The following SLC15A2 variants were observed in gnomAD, a reference collection of about 807,000 sequenced individuals.
SLC15A2 encodes the protein solute carrier family 15 member 2, also known as kidney H(+)/peptide cotransporter.
Under a neutral mutation model 95.5 loss-of-function variants are expected in SLC15A2, and 77 were observed. The observed-to-expected ratio is 0.81, with a 90% CI of 0.67 to 0.97. The LOEUF is 0.97. SLC15A2 is among the 50% of genes least tolerant of loss of function. SLC15A2 has a pLI of 0.00. For missense variants in SLC15A2, 893 were observed against 874.4 expected, an observed-to-expected ratio of 1.02 and a Z score of -0.27; for synonymous variants, 306 against 306.9, an observed-to-expected ratio of 1.00 and a Z score of 0.03.
At chr3:121,908,598 CT>C (rs1284541136) in intron 3 of SLC15A2, among the ~76,000 whole-genome samples, 1 of 152,186 alleles carries the variant, frequency 6.6e-6, no homozygotes, top group Non-Finnish European at 1.5e-5. Flanking sequence ...TTTCTCTCTC[CT>C]CTTTTTTGTC....
chr3:121,927,279 C>A (rs1710140229), intron 13 of SLC15A2, among the ~76,000 whole-genome samples: 1 of 152,144 alleles, frequency 6.6e-6, no homozygotes, highest in Non-Finnish European at 1.5e-5. Context: ...TTTGTCCCTG[C>A]CAAAATCTCA....
intron 21 of SLC15A2, 41 bp from the exon 22 acceptor site, chr3:121,940,790 A>C (rs375949393): frequency 1.3e-6 from 2 of 1,572,100 alleles, no homozygotes; most frequent in African/African-American, 1.4e-5. Context: ...CTTTAGTTTC[A>C]GGTTTCTCCA....
intron 10 of SLC15A2, 23 bp from the exon 11 acceptor site, chr3:121,923,199 A>T (rs1710043357): frequency 1.2e-6 from 2 of 1,613,656 alleles, no homozygotes; most frequent in Non-Finnish European, 1.7e-6. Context: ...GGGATTTCTC[A>T]TAACAGGATC....
At chr3:121,913,847 T>C (rs1709822175) in intron 5 of SLC15A2, among the ~76,000 whole-genome samples, 1 of 152,220 alleles carries the variant, frequency 6.6e-6, no homozygotes, top group Admixed American at 6.5e-5. Context: ...GTTTTCAGTT[T>C]TGTCTGTCTT....
intron 3 of SLC15A2, among the ~76,000 whole-genome samples, chr3:121,902,657 G>C (rs1429990782): frequency 6.6e-6 from 1 of 152,138 alleles, no homozygotes; most frequent in Non-Finnish European, 1.5e-5. Flanking sequence ...ATGGTTTCCA[G>C]CTTCATCCAT....
At chr3:121,900,891 A>T (rs1359964391) in intron 3 of SLC15A2, among the ~76,000 whole-genome samples, 4 of 151,278 alleles carry the variant, frequency 2.6e-5, no homozygotes, top group Non-Finnish European at 4.4e-5. Flanking sequence ...TTATATATGA[A>T]TCTGATATCT....
In SLC15A2 at chr3:121,925,001, T is replaced by C. The variant is rs1025168885; in HGVS notation, c.1092T>C (p.Tyr364=). The C allele has an allele frequency of 6.2e-6, 10 of 1,613,304 alleles. No homozygotes were observed. The African/African-American group carries it at 1.1e-4, about 17-fold the overall frequency. ...IFIPLFDFVI[Y]RLVSKCGINF... ...TCCCGTTGTTTGACTTTGTCATTTA[T>C]CGTCTGGTCTCCAAGTGTGGAATTA... The change falls in exon 13 of 22, where the codon TAT becomes TAC. Residue 364 remains tyrosine, a synonymous_variant. Coordinates refer to ENST00000489711, the MANE Select transcript of SLC15A2 (RefSeq NM_021082.4).
chr3:121,931,846 C>T (rs557861354), intron 19 of SLC15A2, 111 bp downstream of exon 19: 25 of 631,056 alleles, frequency 4.0e-5, no homozygotes, highest in Non-Finnish European at 4.3e-5. Context: ...AAAGCAGACA[C>T]GTATATTTAT....
At chr3:121,917,268 G>A (rs2877567) in intron 7 of SLC15A2, among the ~76,000 whole-genome samples, 3,880 of 152,276 alleles carry the variant, frequency 0.025, 150 homozygotes, top group African/African-American at 0.088. Flanking sequence ...TAGTTCAGTA[G>A]GGAAAGGAAG....
At chr3:121,925,117 T>G in intron 13 of SLC15A2, 84 bp downstream of exon 13, 2 of 964,622 alleles carry the variant, frequency 2.1e-6, no homozygotes, top group Non-Finnish European at 3.3e-6. Context: ...GTCAGTATTT[T>G]TCTTAGTGAG....
chr3:121,897,268 G>T, intron 2 of SLC15A2, 120 bp from the exon 3 acceptor site: 1 of 1,130,698 alleles, frequency 8.8e-7, no homozygotes, highest in East Asian at 2.4e-5. Flanking sequence ...TCACTGATAG[G>T]AGTGCTGAAG....
At position 121,929,211 on chromosome 3, in the gene SLC15A2, A is replaced by C. The variant is rs548277020; in HGVS notation, c.1506+65A>C. ...AAAGTAATATGACTGTCTCATCAACATCTTACCAAGGATCTGCCTGATGAT... is the reference window on the plus strand; with the variant it reads ...AAAGTAATATGACTGTCTCATCAACCTCTTACCAAGGATCTGCCTGATGAT... On this transcript the variant is annotated intron_variant, in intron 16 of 21. Transcript: ENST00000489711. The C allele has an allele frequency of 3.6e-4, 584 of 1,603,276 alleles. 2 individuals are homozygous for C. Among genetic ancestry groups the C allele is most frequent in the South Asian group, 1.8e-3 (161 of 89,874 alleles).
At position 121,939,220 on chromosome 3, in the gene SLC15A2, C is replaced by CT. The variant is rs1452813789; in HGVS notation, c.1762-128dup. The CT allele has an allele frequency of 2.4e-5, 18 of 740,362 alleles. No homozygotes were observed. In the African/African-American group the frequency reaches 3.1e-4, roughly 13 times the overall value. The allele number at this position is 740,362 out of a possible 1,614,324, so 45.9% of individuals were successfully genotyped here. A position where few individuals can be genotyped will look rare whatever the true frequency, so the allele number is the denominator to read the frequency against. ...GAAAAGCTGGAATTGTGTAGAAATG[C>CT]TCAATTTCCTGAAAATGGCTGAAGA... On this transcript the variant is annotated intron_variant, in intron 19 of 21. Transcript: ENST00000489711.
In SLC15A2 at chr3:121,925,725, A is replaced by AGT. The variant is rs1559850279; in HGVS notation, c.1124+692_1124+693insGT. ...GTTTATTACTTAGTAAAGGGGCTAG[A>AGT]CTATATATATATATATATATATATA... On this transcript the variant is annotated intron_variant, in intron 13 of 21. Transcript: ENST00000489711. Among the ~76,000 whole-genome samples the AGT allele has an allele frequency of 2.1e-3, 116 of 56,332 alleles. 16 individuals carry two copies. The highest frequency in any genetic ancestry group is 3.4e-3 in the East Asian group (5 of 1,476). The allele number at this position is 56,332 out of a possible 152,430, so 37.0% of individuals were successfully genotyped here.
chr3:121,939,056 A>G (rs944420054), intron 19 of SLC15A2: 14 of 247,468 alleles, frequency 5.7e-5, no homozygotes, highest in African/African-American at 2.4e-4. Flanking sequence ...AATGTTGTCC[A>G]GGATCAAAAT....
At chr3:121,918,579 G>T (rs1433823520) in intron 7 of SLC15A2, among the ~76,000 whole-genome samples, 1 of 151,952 alleles carries the variant, frequency 6.6e-6, no homozygotes, top group Non-Finnish European at 1.5e-5. Flanking sequence ...AAAAAGTGGG[G>T]TGGGGGGATA....
chr3:121,916,842 A>G (rs899075406), intron 7 of SLC15A2, among the ~76,000 whole-genome samples: 1 of 151,184 alleles, frequency 6.6e-6, no homozygotes, highest in Non-Finnish European at 1.5e-5. Context: ...CTTTTTTGAG[A>G]TGGAGTCTCG....
Position 121,915,669 on chromosome 3 carries a change from G to A in SLC15A2, c.673G>A (p.Gly225Arg), listed in dbSNP as rs572436618. The change falls in exon 7 of 22, where the codon GGA becomes AGA. Residue 225 changes from glycine to arginine, a missense_variant. Transcript: ENST00000489711. The part of the protein sequence containing the change: ...DCYALAFGVP[G>R]LLMVIALVVF... Reference sequence around the variant, plus strand: ...CTATGCATTGGCTTTTGGAGTTCCAGGACTGCTCATGGTAATTGCACTTGG... The same window carrying A: ...CTATGCATTGGCTTTTGGAGTTCCAAGACTGCTCATGGTAATTGCACTTGG... 1.2e-6 allele frequency: 2 copies of A among 1,613,866 alleles called. No homozygotes were observed. The highest frequency in any genetic ancestry group is 2.2e-5 in the South Asian group (2 of 91,070).
At chr3:121,936,337 T>A (rs1448208967) in intron 19 of SLC15A2, among the ~76,000 whole-genome samples, 1 of 152,190 alleles carries the variant, frequency 6.6e-6, no homozygotes, top group South Asian at 2.1e-4. Context: ...TTTCTGTCTC[T>A]TTGATCTGTC....
Sources: gnomAD v4.1 joint callset for allele counts (sites outside exome capture counted in the v4.1 genomes callset) on GRCh38, gnomAD v4.1.1 for gene constraint, MANE v1.5 for transcripts, NCBI Gene and HGNC (gene_info 2026-07-23, HGNC 2026-07-21) for gene names.